LMNTD2: variants seen among roughly 807,000 people sequenced by gnomAD.
LMNTD2 encodes lamin tail domain-containing protein 2.
A neutral mutation model predicts 70.1 loss-of-function variants in LMNTD2; 83 were observed. The observed-to-expected ratio is 1.18, with a 90% CI of 0.99 to 1.42. The LOEUF (loss-of-function observed/expected upper bound fraction) is 1.42, where lower values mean the gene tolerates loss of function less well. LMNTD2 is among the 40% of genes most tolerant of loss of function. LMNTD2 has a pLI of 0.00. For missense variants in LMNTD2, 1,153 were observed against 905.9 expected, an observed-to-expected ratio of 1.27 and a Z score of -3.50; for synonymous variants, 534 against 406.1, an observed-to-expected ratio of 1.31 and a Z score of -3.79.
intron 1 of LMNTD2, chr11:559,389 A>G (rs898513140): frequency 3.0e-6 from 4 of 1,321,198 alleles, no homozygotes; most frequent in Non-Finnish European, 4.0e-6. Flanking sequence ...GAAGGGCTGT[A>G]TACCGTTGCC....
intron 1 of LMNTD2, chr11:559,829 A>G: frequency 1.1e-6 from 1 of 916,900 alleles, no homozygotes; most frequent in South Asian, 4.0e-5. Context: ...GTGTGATGAC[A>G]GCGCACGTTA....
chr11:555,156 C>CGGGAGGGGAGGGGAGCGGCG, intron 13 of LMNTD2, 45 bp from the exon 14 acceptor site: 2 of 159,982 alleles, frequency 1.3e-5, no homozygotes, highest in Non-Finnish European at 2.0e-5. Context: ...GGGGCGGGGA[C>CGGGAGGGGAGGGGAGCGGCG]GGGAGGGGAG....
chr11:558,831 C>T (rs771433405), intron 2 of LMNTD2, 25 bp downstream of exon 2: 13 of 1,596,592 alleles, frequency 8.1e-6, no homozygotes, highest in Non-Finnish European at 1.1e-5. Flanking sequence ...CCAGGAGGCT[C>T]ACCAGTCCTC....
In LMNTD2 at chr11:554,880, A is replaced by G. The variant is rs1158438036; in HGVS notation, c.*100T>C. On this transcript the variant is annotated 3_prime_UTR_variant, in exon 14 of 14. Transcript: ENST00000329451. ...TGTACAGAAATGCGGTTTACTTTGT[A>G]GGCCACGTTGGTTCAATAAATGATG... The G allele has an allele frequency of 2.4e-6, 2 of 816,532 alleles. No homozygotes were observed. Among genetic ancestry groups the G allele is most frequent in the African/African-American group, 1.8e-5 (1 of 54,404 alleles). The allele number at this position is 816,532 out of a possible 1,614,324, so 50.6% of individuals were successfully genotyped here.
At chr11:558,469 A>C (rs1853048479) in intron 3 of LMNTD2, 145 bp downstream of exon 3, 1 of 1,164,866 alleles carries the variant, frequency 8.6e-7, no homozygotes, top group Admixed American at 2.6e-5. Context: ...ATAGCGTGTT[A>C]ACTTAGGATC....
At chr11:558,333 G>A in intron 3 of LMNTD2, 85 bp from the exon 4 acceptor site, 1 of 1,451,370 alleles carries the variant, frequency 6.9e-7, no homozygotes, top group Non-Finnish European at 9.4e-7. Context: ...AGGGGAGAAG[G>A]AGGGGCTCCA....
At position 556,132 on chromosome 11, in the gene LMNTD2, C is replaced by G; in HGVS notation, c.1258-17G>C. On this transcript the variant is annotated splice_polypyrimidine_tract_variant and intron_variant, in intron 10 of 13. Transcript: ENST00000329451. ...GCCCCAGACCTGGAGGGGCGTGGAG[C>G]GGCGGGTGAGGGGCGGCCGGGCCGG... 7.3e-7 allele frequency: 1 copy of G among 1,374,722 alleles called. No homozygotes were observed. Among genetic ancestry groups the G allele is most frequent in the African/African-American group, 1.5e-5 (1 of 66,348 alleles). The allele number at this position is 1,374,722 out of a possible 1,614,324, so 85.2% of individuals were successfully genotyped here. A position where few individuals can be genotyped will look rare whatever the true frequency, so the allele number is the denominator to read the frequency against.
chr11:559,291 T>A, intron 1 of LMNTD2: 1 of 1,451,018 alleles, frequency 6.9e-7, no homozygotes, highest in South Asian at 1.2e-5. Flanking sequence ...TGTGATGTGG[T>A]GTCCCTCTTT....
intron 1 of LMNTD2, 156 bp from the exon 2 acceptor site, chr11:559,135 A>G: frequency 6.8e-7 from 1 of 1,470,746 alleles, no homozygotes; most frequent in South Asian, 1.3e-5. Context: ...CCCAGGCGTC[A>G]CCACTTACTC....
chr11:556,176 C>G lies in LMNTD2; in HGVS notation c.1257+16G>C. 1 of 1,331,986 alleles carries G rather than the reference C, an allele frequency of 7.5e-7. No homozygotes were observed. The highest frequency in any genetic ancestry group is 1.5e-5 in the African/African-American group (1 of 64,844). The allele number at this position is 1,331,986 out of a possible 1,614,324, so 82.5% of individuals were successfully genotyped here. A position where few individuals can be genotyped will look rare whatever the true frequency, so the allele number is the denominator to read the frequency against. ...GGGCCGGGCCGTCGGGGCCGGGCTC[C>G]CGGGCCGGGGCGCACCGTGACGTGG... On this transcript the variant is annotated intron_variant, in intron 10 of 13. Coordinates refer to ENST00000329451, the MANE Select transcript of LMNTD2 (RefSeq NM_173573.3).
chr11:557,198 C>T, intron 7 of LMNTD2, 101 bp from the exon 8 acceptor site: 1 of 1,459,396 alleles, frequency 6.9e-7, no homozygotes. Flanking sequence ...CCTCTTGCCT[C>T]CCAGTACCCA....
intron 8 of LMNTD2, 35 bp from the exon 9 acceptor site, chr11:556,623 CG>C: frequency 6.8e-7 from 1 of 1,461,440 alleles, no homozygotes; most frequent in Non-Finnish European, 9.1e-7. Flanking sequence ...AGGGGACCCT[CG>C]AATGGAGTCC....
At chr11:555,185 A>AGGGGCGGGGAGGAGAGCGGC in intron 13 of LMNTD2, 74 bp from the exon 14 acceptor site, 1 of 330,792 alleles carries the variant, frequency 3.0e-6, no homozygotes, top group Non-Finnish European at 4.4e-6. Context: ...AGGAGAGGGG[A>AGGGGCGGGGAGGAGAGCGGC]GGGGCGGGGA....
intron 8 of LMNTD2, 87 bp from the exon 9 acceptor site, chr11:556,675 G>C (rs1283892181): frequency 2.1e-6 from 3 of 1,408,438 alleles, no homozygotes; most frequent in African/African-American, 2.9e-5. Context: ...GGCCTGCAAC[G>C]CCTGGCGGGG....
In LMNTD2 at chr11:559,165, A is replaced by AC; in HGVS notation, c.35-187_35-186insG. On this transcript the variant is annotated intron_variant, in intron 1 of 13. Coordinates refer to ENST00000329451, the MANE Select transcript of LMNTD2 (RefSeq NM_173573.3). ...TTACTCACAGAGCGTTGCTCTCTGA[A>AC]GGGACCCACATGTGGGTGTCCACAC... 6 of 1,464,408 alleles carry AC rather than the reference A, an allele frequency of 4.1e-6. No homozygotes were observed. In the South Asian group the frequency reaches 8.2e-5, roughly 20 times the overall value. The allele number at this position is 1,464,408 out of a possible 1,614,324, so 90.7% of individuals were successfully genotyped here. A position where few individuals can be genotyped will look rare whatever the true frequency, so the allele number is the denominator to read the frequency against.
Position 556,996 on chromosome 11 carries a change from C to G in LMNTD2, c.815G>C (p.Cys272Ser). 1 of 1,608,496 alleles carries G rather than the reference C, an allele frequency of 6.2e-7. No homozygotes were observed. The highest frequency in any genetic ancestry group is 8.5e-7 in the Non-Finnish European group (1 of 1,179,044). The change falls in exon 8 of 14, where the codon TGT becomes TCT. Residue 272 changes from cysteine to serine, a missense_variant. Coordinates refer to ENST00000329451, the MANE Select transcript of LMNTD2 (RefSeq NM_173573.3). ...GCCCCCTGAGCTGCTGGTGTTCAGA[C>G]AGGGCAGGGAGCCCCACTCCACGGT... ...HKTVEWGSLP[C>S]LNTSSSGGAD...
At chr11:558,579 C>T (rs751365116) in intron 3 of LMNTD2, 35 bp downstream of exon 3, 10 of 1,216,892 alleles carry the variant, frequency 8.2e-6, no homozygotes, top group African/African-American at 4.9e-5. Flanking sequence ...GAGGACAGGG[C>T]GGGGTTGGGT....
intron 1 of LMNTD2, chr11:559,576 C>A: frequency 8.4e-7 from 1 of 1,189,210 alleles, no homozygotes. Context: ...CTGAGGGAGG[C>A]CCCAGCATCC....
intron 6 of LMNTD2, 36 bp from the exon 7 acceptor site, chr11:557,523 C>T: frequency 6.2e-7 from 1 of 1,613,396 alleles, no homozygotes; most frequent in Non-Finnish European, 8.5e-7. Flanking sequence ...GTCCTCCCCT[C>T]CCGCAGGGCT....
Sources: allele counts gnomAD v4.1 joint callset, GRCh38; gene constraint gnomAD v4.1.1; transcripts MANE v1.5; gene names NCBI Gene and HGNC (gene_info 2026-07-23, HGNC 2026-07-21).